Variants in MYL4 observed in about 807,000 individuals in gnomAD.
The protein encoded by MYL4 is atrial myosin light chain 1.
A neutral mutation model predicts 21.6 loss-of-function variants in MYL4; 16 were observed. The ratio of observed to expected loss-of-function variants is 0.74; its 90% CI spans 0.50 to 1.12. The LOEUF (loss-of-function observed/expected upper bound fraction) is 1.12, where lower values mean the gene tolerates loss of function less well. MYL4 is among the 50% of genes most tolerant of loss of function. The probability of loss-of-function intolerance (pLI) is 0.00; values close to 1 mark genes in which losing one functional copy is unlikely to be tolerated. For synonymous variants in MYL4, 82 were observed against 95.7 expected, an observed-to-expected ratio of 0.86 and a Z score of 0.83; for missense variants, 249 against 252.9, an observed-to-expected ratio of 0.98 and a Z score of 0.11.
At chr17:47,199,926 A>G (rs947707878), upstream of MYL4, among the ~76,000 whole-genome samples, 2 of 150,594 alleles carry the variant, frequency 1.3e-5, no homozygotes, top group African/African-American at 4.9e-5. Context: ...TTTTTTGTAG[A>G]GACAGGGTTT....
chr17:47,216,212 TC>T (rs1466584202), intron 2 of MYL4, among the ~76,000 whole-genome samples: 1 of 151,984 alleles, frequency 6.6e-6, no homozygotes, highest in Non-Finnish European at 1.5e-5. Context: ...GACTCATTGC[TC>T]TAGTAAGCAG....
At chr17:47,214,341 A>G (rs1351737320) in intron 2 of MYL4, among the ~76,000 whole-genome samples, 1 of 152,140 alleles carries the variant, frequency 6.6e-6, no homozygotes, top group African/African-American at 2.4e-5. Context: ...TCTTCCCACC[A>G]TGAAGTCTGC....
chr17:47,195,792 G>T (rs2064687361), upstream of MYL4, among the ~76,000 whole-genome samples: 1 of 152,162 alleles, frequency 6.6e-6, no homozygotes, highest in Non-Finnish European at 1.5e-5. Flanking sequence ...GGCTCTCCCT[G>T]CTGTTACTCT....
the MYL4 span, among the ~76,000 whole-genome samples, chr17:47,189,613 T>C: frequency 6.6e-6 from 1 of 152,232 alleles, no homozygotes; most frequent in African/African-American, 2.4e-5. Flanking sequence ...GTGGCGGGGC[T>C]GCAGTGTGGA....
the MYL4 span, among the ~76,000 whole-genome samples, chr17:47,190,313 C>A: frequency 6.6e-6 from 1 of 152,116 alleles, no homozygotes; most frequent in Non-Finnish European, 1.5e-5. Context: ...TAAGAGAATT[C>A]GATGTATTAT....
chr17:47,191,685 G>A, the MYL4 span, among the ~76,000 whole-genome samples: 1 of 152,138 alleles, frequency 6.6e-6, no homozygotes, highest in Non-Finnish European at 1.5e-5. Context: ...TGGCCAGGCT[G>A]GTCTCAAACT....
Position 47,219,973 on chromosome 17 carries a change from G to A in MYL4, c.233G>A (p.Cys78Tyr), listed in dbSNP as rs768793001. The change falls in exon 3 of 7, where the codon TGC becomes TAC. Residue 78 changes from cysteine (C) to tyrosine (Y), a missense_variant. Physicochemically the swap from Cys to Tyr is radical, Grantham distance 194. Transcript: ENST00000393450. ...GAGATGAAGATCACCTACGGCCAGT[G>A]CGGGGATGTACTGCGGGCCCTGGGC... is the stretch of plus-strand genomic sequence containing the variant. Reference protein sequence around the residue: ...TGEMKITYGQCGDVLRALGQN... With the variant: ...TGEMKITYGQYGDVLRALGQN... The A allele has an allele frequency of 6.2e-6, 10 of 1,614,214 alleles. No homozygotes were observed. Among genetic ancestry groups the A allele is most frequent in the Non-Finnish European group, 7.6e-6 (9 of 1,180,024 alleles).
the MYL4 span, among the ~76,000 whole-genome samples, chr17:47,195,052 CT>C: frequency 0.011 from 1,200 of 113,952 alleles, 6 homozygotes; most frequent in African/African-American, 0.028. Flanking sequence ...CTTCATGGAA[CT>C]TTTTTTTTTT....
upstream of MYL4, among the ~76,000 whole-genome samples, chr17:47,198,381 G>A (rs1396138769): frequency 2.0e-5 from 3 of 151,910 alleles, no homozygotes; most frequent in East Asian, 5.8e-4. Flanking sequence ...CCTCAGAAGT[G>A]ACGTATATAC....
chr17:47,205,472 T>C (rs1235229921), upstream of MYL4, among the ~76,000 whole-genome samples: 4 of 152,182 alleles, frequency 2.6e-5, no homozygotes, highest in Admixed American at 6.5e-5. Flanking sequence ...CATAAGACGA[T>C]GGAAGCTCGG....
chr17:47,227,405 C>T (rs1033405781), downstream of MYL4, among the ~76,000 whole-genome samples: 1 of 152,206 alleles, frequency 6.6e-6, no homozygotes, highest in East Asian at 1.9e-4. Context: ...TCCACTATTT[C>T]GAACCCAGAT....
chr17:47,207,963 G>C (rs369464287), upstream of MYL4, among the ~76,000 whole-genome samples: 1 of 152,050 alleles, frequency 6.6e-6, no homozygotes, highest in Non-Finnish European at 1.5e-5. Flanking sequence ...GTCTCTCCCC[G>C]ACAACTGGAT....
Position 47,209,553 on chromosome 17 carries a change from T to C in MYL4, c.131T>C (p.Val44Ala), listed in dbSNP as rs1454098257. The change falls in exon 1 of 7, where the codon GTA (valine) becomes GCA (alanine). Residue 44 changes from valine (V) to alanine (A), a missense_variant. Transcript: ENST00000393450. Reference sequence around the variant, plus strand: ...GAACCTGCCTTTGACCCCAAGAGTGTAAAGGTAAGTGAGGCTCAGCCATTG... The same window carrying C: ...GAACCTGCCTTTGACCCCAAGAGTGCAAAGGTAAGTGAGGCTCAGCCATTG... The part of the protein sequence containing the change: ...PKEPAFDPKS[V>A]KIDFTADQIE... 3.1e-6 allele frequency: 5 copies of C among 1,614,026 alleles called. No homozygotes were observed. Among genetic ancestry groups the C allele is most frequent in the Non-Finnish European group, 4.2e-6 (5 of 1,180,034 alleles).
the MYL4 span, among the ~76,000 whole-genome samples, chr17:47,191,534 A>G: frequency 3.3e-5 from 5 of 152,100 alleles, no homozygotes; most frequent in Non-Finnish European, 7.4e-5. Context: ...GTAATGGCGC[A>G]ATCTCGGCTG....
upstream of MYL4, among the ~76,000 whole-genome samples, chr17:47,206,483 C>T (rs550928062): frequency 3.9e-5 from 6 of 152,004 alleles, no homozygotes; most frequent in Non-Finnish European, 7.4e-5. Context: ...GGGCATGTGT[C>T]ATTCAGTGAT....
At chr17:47,195,229 ATTT>A in the MYL4 span, among the ~76,000 whole-genome samples, 25 of 116,880 alleles carry the variant, frequency 2.1e-4, no homozygotes, top group East Asian at 1.8e-3. Flanking sequence ...CAGTGGGCTA[ATTT>A]TTTTTTTTTT....
chr17:47,220,197 C>T (rs2064845407), intron 3 of MYL4, 144 bp downstream of exon 3: 6 of 1,012,694 alleles, frequency 5.9e-6, no homozygotes, highest in Non-Finnish European at 8.4e-6. Context: ...CCCAGCTTAC[C>T]CTAGTCCCAT....
chr17:47,211,028 C>T (rs2064770457), intron 1 of MYL4, among the ~76,000 whole-genome samples: 1 of 152,082 alleles, frequency 6.6e-6, no homozygotes, highest in Non-Finnish European at 1.5e-5. Context: ...AAACTGGTGT[C>T]CTTCCCTTGG....
At chr17:47,203,315 G>A (rs1257489855) in intron 1 of MYL4, among the ~76,000 whole-genome samples, 1 of 151,822 alleles carries the variant, frequency 6.6e-6, no homozygotes, top group Non-Finnish European at 1.5e-5. Context: ...ATATCTCTTA[G>A]CTTTTCTTTT....
Sources: allele counts gnomAD v4.1 joint callset (sites outside exome capture counted in the v4.1 genomes callset), GRCh38; gene constraint gnomAD v4.1.1; transcripts MANE v1.5; gene names NCBI Gene and HGNC (gene_info 2026-07-23, HGNC 2026-07-21).